The following PRKN variants were observed in gnomAD, a reference collection of about 807,000 sequenced individuals.
PRKN encodes the protein E3 ubiquitin-protein ligase parkin.
A neutral mutation model predicts 59.5 loss-of-function variants in PRKN; 56 were observed. The ratio of observed to expected loss-of-function variants is 0.94; its 90% confidence interval spans 0.76 to 1.18. The LOEUF (loss-of-function observed/expected upper bound fraction) is 1.18. Ranked by LOEUF, PRKN falls within the 50% of genes most tolerant of loss-of-function variation. The probability of loss-of-function intolerance (pLI) is 0.00; values close to 1 mark genes in which losing one functional copy is unlikely to be tolerated. For synonymous variants in PRKN, 250 were observed against 222.1 expected, an observed-to-expected ratio of 1.13 and a Z score of -1.12; for missense variants, 657 against 596.4, an observed-to-expected ratio of 1.10 and a Z score of -1.06.
intron 7 of PRKN, among the ~76,000 whole-genome samples, chr6:161,589,778 C>CT (rs201984579): frequency 0.069 from 8,507 of 124,090 alleles, 461 homozygotes; most frequent in African/African-American, 0.14. Flanking sequence ...GGATTAAATT[C>CT]TTTTTTTTTT....
At chr6:161,748,461 A>G (rs931326019) in intron 7 of PRKN, among the ~76,000 whole-genome samples, 1 of 152,044 alleles carries the variant, frequency 6.6e-6, no homozygotes, top group African/African-American at 2.4e-5. Context: ...TAAAGAAAAT[A>G]TTGGCAGAAC....
intron 7 of PRKN, among the ~76,000 whole-genome samples, chr6:161,664,912 C>T (rs1170468262): frequency 6.6e-6 from 1 of 151,674 alleles, no homozygotes; most frequent in Non-Finnish European, 1.5e-5. Flanking sequence ...CCTCAGCCTC[C>T]CGAGTAGCTG....
intron 1 of PRKN, among the ~76,000 whole-genome samples, chr6:162,602,985 C>A (rs1187216049): frequency 6.6e-6 from 1 of 152,144 alleles, no homozygotes; most frequent in Non-Finnish European, 1.5e-5. Flanking sequence ...ATCACAAGGA[C>A]CGCACAGGGT....
rs558996060 is a variant in PRKN at position 161,846,620 on chromosome 6, C to A, written c.735-60712G>T. On this transcript the variant is annotated intron_variant, in intron 6 of 11. Coordinates refer to ENST00000366898, the MANE Select transcript of PRKN (RefSeq NM_004562.3). ...TAAAATTATTCTGTTACCATATGCTCACATGACAATACTGCTTCTTTACAA... is the reference window on the plus strand; with the variant it reads ...TAAAATTATTCTGTTACCATATGCTAACATGACAATACTGCTTCTTTACAA... 4.5e-3 allele frequency among the ~76,000 whole-genome samples: 569 copies of A among 125,608 alleles called. 5 individuals are homozygous for A. The highest frequency in any genetic ancestry group is 6.6e-3 in the Non-Finnish European group (423 of 64,392). 82.4% of individuals were successfully genotyped at this position (125,608 alleles called of 152,430 possible). A position where few individuals can be genotyped will look rare whatever the true frequency, so the allele number is the denominator to read the frequency against.
chr6:162,421,988 A>G (rs9364655), intron 2 of PRKN, among the ~76,000 whole-genome samples: 78,274 of 152,014 alleles, frequency 0.51, 20,532 homozygotes, highest in East Asian at 0.69. Context: ...GTTTAGATGA[A>G]GTCCTTAATT....
At chr6:162,707,528 T>A (rs1357964037) in intron 1 of PRKN, among the ~76,000 whole-genome samples, 1 of 151,798 alleles carries the variant, frequency 6.6e-6, no homozygotes, top group Admixed American at 6.6e-5. Context: ...ATTTTAAAAA[T>A]TTCACAAATA....
intron 1 of PRKN, among the ~76,000 whole-genome samples, chr6:162,586,324 T>C (rs564475133): frequency 2.2e-4 from 34 of 152,364 alleles, no homozygotes; most frequent in Non-Finnish European, 4.6e-4. Context: ...TCCGAAGTTA[T>C]TGTGTTTCAA....
chr6:161,607,540 G>A (rs1782326982), intron 7 of PRKN, among the ~76,000 whole-genome samples: 1 of 152,118 alleles, frequency 6.6e-6, no homozygotes, highest in African/African-American at 2.4e-5. Flanking sequence ...TTAAAATGAT[G>A]ACGGCAGAAA....
intron 2 of PRKN, among the ~76,000 whole-genome samples, chr6:162,286,651 G>A (rs1314460606): frequency 1.3e-5 from 2 of 152,108 alleles, no homozygotes; most frequent in East Asian, 1.9e-4. Flanking sequence ...TGACAATATC[G>A]AGTTCTTCTT....
At chr6:162,635,308 C>T (rs538586147) in intron 1 of PRKN, among the ~76,000 whole-genome samples, 1 of 152,288 alleles carries the variant, frequency 6.6e-6, no homozygotes, top group African/African-American at 2.4e-5. Context: ...TCTCTGTTCC[C>T]TTCCCCTCTT....
chr6:161,947,980 T>TTTC (rs1024304966), intron 6 of PRKN, among the ~76,000 whole-genome samples: 24 of 151,938 alleles, frequency 1.6e-4, no homozygotes, highest in African/African-American at 5.8e-4. Flanking sequence ...ATTTCTTTCT[T>TTTC]TTCTTCTTCT....
intron 7 of PRKN, among the ~76,000 whole-genome samples, chr6:161,659,718 T>C (rs1374729190): frequency 6.6e-6 from 1 of 151,976 alleles, no homozygotes; most frequent in Non-Finnish European, 1.5e-5. Context: ...CAGACAGGCC[T>C]GAGGTCAGAT....
At chr6:162,254,445 G>A (rs1779564042) in intron 3 of PRKN, among the ~76,000 whole-genome samples, 1 of 147,600 alleles carries the variant, frequency 6.8e-6, no homozygotes, top group African/African-American at 2.5e-5. Context: ...GATAGGGTGG[G>A]ACTCCATCTC....
intron 9 of PRKN, among the ~76,000 whole-genome samples, chr6:161,477,526 A>T (rs1791159060): frequency 6.6e-6 from 1 of 152,038 alleles, no homozygotes; most frequent in Middle Eastern, 3.4e-3. Context: ...AAAAAAAAAA[A>T]AATACTGGTA....
chr6:161,421,273 A>G (rs1788094957), intron 9 of PRKN, among the ~76,000 whole-genome samples: 1 of 152,194 alleles, frequency 6.6e-6, no homozygotes, highest in Admixed American at 6.5e-5. Flanking sequence ...AATTCCCAAC[A>G]TAAATGGAAA....
At chr6:162,126,557 TAAATA>T (rs1338480602) in intron 4 of PRKN, among the ~76,000 whole-genome samples, 2 of 152,214 alleles carry the variant, frequency 1.3e-5, no homozygotes, top group Non-Finnish European at 2.9e-5. Context: ...ATTGACAAAT[TAAATA>T]AATGTCCATT....
At chr6:162,469,087 A>G (rs1004236312) in intron 1 of PRKN, among the ~76,000 whole-genome samples, 5 of 152,108 alleles carry the variant, frequency 3.3e-5, no homozygotes, top group Admixed American at 3.3e-4. Context: ...ATTTTAATTT[A>G]CAGTACTCTA....
rs1021354435 is a variant in PRKN, at chr6:161,938,553, C to T, written c.734+34749G>A. ...CTAATTAGGCCCAAACAAATGAGTC[C>T]AATATTTTTTGTGATTATTAAATTT... On this transcript the variant is annotated intron_variant, in intron 6 of 11. Coordinates refer to ENST00000366898, the MANE Select transcript of PRKN (RefSeq NM_004562.3). Among the ~76,000 whole-genome samples, 7 of 151,966 alleles carry T rather than the reference C, an allele frequency of 4.6e-5. No homozygotes were observed. In the East Asian group the frequency reaches 1.3e-3, roughly 29 times the overall value.
At chr6:162,555,315 C>A (rs560253088) in intron 1 of PRKN, among the ~76,000 whole-genome samples, 8 of 152,152 alleles carry the variant, frequency 5.3e-5, no homozygotes, top group Admixed American at 3.9e-4. Context: ...GTAAAATATT[C>A]TTTGAACCAA....
Sources: gnomAD v4.1 joint callset for allele counts (sites outside exome capture counted in the v4.1 genomes callset) on GRCh38, gnomAD v4.1.1 for gene constraint, MANE v1.5 for transcripts, NCBI Gene and HGNC (gene_info 2026-07-23, HGNC 2026-07-21) for gene names.